RAB38: variants seen among roughly 807,000 people sequenced by gnomAD.
The protein encoded by RAB38 is RAB38, member RAS oncogene family.
A neutral mutation model predicts 18.4 loss-of-function variants in RAB38; 15 were observed. The ratio of observed to expected loss-of-function variants is 0.82; its 90% CI spans 0.55 to 1.26. The LOEUF (loss-of-function observed/expected upper bound fraction) is 1.26. Ranked by LOEUF, RAB38 falls within the 50% of genes most tolerant of loss-of-function variation. The pLI is 0.00. For missense variants in RAB38, 294 were observed against 267.4 expected (o/e 1.10, Z -0.69); for synonymous variants, 101 against 104.4 (o/e 0.97, Z 0.20).
the RAB38 span, among the ~76,000 whole-genome samples, chr11:88,027,635 G>C: frequency 1.1e-4 from 17 of 152,220 alleles, no homozygotes; most frequent in Non-Finnish European, 1.5e-5. Flanking sequence ...ACAGCAGTCT[G>C]AGATCAAACT....
chr11:87,957,850 T>C, the RAB38 span, among the ~76,000 whole-genome samples: 1 of 152,022 alleles, frequency 6.6e-6, no homozygotes, highest in Non-Finnish European at 1.5e-5. Flanking sequence ...GGCCTACCAA[T>C]CTCCTTCCTA....
chr11:87,958,094 G>C, the RAB38 span, among the ~76,000 whole-genome samples: 1 of 152,012 alleles, frequency 6.6e-6, no homozygotes, highest in Non-Finnish European at 1.5e-5. Flanking sequence ...CTCTTCCCAG[G>C]CTAGCAATAT....
chr11:87,893,489 T>C, the RAB38 span, among the ~76,000 whole-genome samples: 1 of 150,160 alleles, frequency 6.7e-6, no homozygotes, highest in East Asian at 2.0e-4. Flanking sequence ...TGCTTTGTTT[T>C]CTTTATTTTT....
the RAB38 span, among the ~76,000 whole-genome samples, chr11:88,041,301 G>A: frequency 6.6e-6 from 1 of 152,150 alleles, no homozygotes; most frequent in East Asian, 1.9e-4. Flanking sequence ...CTGTAATAGT[G>A]AGCGGAACAT....
the RAB38 span, among the ~76,000 whole-genome samples, chr11:87,946,464 T>A: frequency 4.6e-5 from 7 of 152,168 alleles, no homozygotes; most frequent in Admixed American, 1.3e-4. Context: ...TATATATACA[T>A]GTGCCATGTT....
At chr11:88,040,782 C>G in the RAB38 span, among the ~76,000 whole-genome samples, 1 of 152,072 alleles carries the variant, frequency 6.6e-6, no homozygotes, top group Admixed American at 6.5e-5. Flanking sequence ...TCTTAGGTGC[C>G]AGGCATTAGG....
At chr11:87,871,664 C>T in the RAB38 span, among the ~76,000 whole-genome samples, 1 of 151,460 alleles carries the variant, frequency 6.6e-6, no homozygotes, top group African/African-American at 2.4e-5. Flanking sequence ...TGGAAAAATG[C>T]TTTATTCTCT....
chr11:87,827,434 A>T, the RAB38 span, among the ~76,000 whole-genome samples: 1 of 152,136 alleles, frequency 6.6e-6, no homozygotes, highest in Non-Finnish European at 1.5e-5. Flanking sequence ...TGAGAATAAC[A>T]TGATTGATCA....
At chr11:88,019,306 CT>C in the RAB38 span, among the ~76,000 whole-genome samples, 670 of 152,172 alleles carry the variant, frequency 4.4e-3, 1 homozygote, top group African/African-American at 0.015. Context: ...TCATCTATGA[CT>C]TTTTTTCTTT....
chr11:87,884,494 C>T, the RAB38 span, among the ~76,000 whole-genome samples: 1 of 151,888 alleles, frequency 6.6e-6, no homozygotes, highest in African/African-American at 2.4e-5. Flanking sequence ...GTGCCCTGTC[C>T]TGAAGAAAGA....
the RAB38 span, among the ~76,000 whole-genome samples, chr11:88,030,156 A>G: frequency 6.6e-6 from 1 of 152,222 alleles, no homozygotes; most frequent in African/African-American, 2.4e-5. Context: ...ATGAAGGCAG[A>G]AATAAAGATG....
chr11:87,888,114 A>G, the RAB38 span, among the ~76,000 whole-genome samples: 9 of 151,860 alleles, frequency 5.9e-5, no homozygotes, highest in African/African-American at 1.4e-4. Flanking sequence ...TCAGAAGACT[A>G]CTAGGACACA....
At chr11:88,166,622 A>C (rs558626480) in intron 1 of RAB38, 40 of 152,236 alleles carry the variant, frequency 2.6e-4, no homozygotes, top group African/African-American at 9.4e-4. Context: ...TATACGCTTA[A>C]ATTTTAAAAA....
At chr11:87,852,373 A>T in the RAB38 span, among the ~76,000 whole-genome samples, 1 of 152,184 alleles carries the variant, frequency 6.6e-6, no homozygotes, top group Non-Finnish European at 1.5e-5. Flanking sequence ...TCAACCTTCT[A>T]GTCATTTCAT....
chr11:87,836,665 C>T, the RAB38 span, among the ~76,000 whole-genome samples: 2,095 of 152,276 alleles, frequency 0.014, 44 homozygotes, highest in African/African-American at 0.049. Flanking sequence ...AAATCCTTCA[C>T]TGGTTTTCCA....
At chr11:87,964,242 G>A in the RAB38 span, among the ~76,000 whole-genome samples, 8 of 152,078 alleles carry the variant, frequency 5.3e-5, no homozygotes, top group Middle Eastern at 3.2e-3. Context: ...TGCAAGGACC[G>A]TTGCATTCGT....
At chr11:87,953,782 C>T in the RAB38 span, among the ~76,000 whole-genome samples, 68 of 151,734 alleles carry the variant, frequency 4.5e-4, no homozygotes, top group African/African-American at 1.6e-3. Context: ...TATTGCTTCC[C>T]CCTGAACAAT....
At chr11:88,046,163 T>C in the RAB38 span, among the ~76,000 whole-genome samples, 1 of 152,106 alleles carries the variant, frequency 6.6e-6, no homozygotes, top group African/African-American at 2.4e-5. Context: ...TTTACCCCAC[T>C]CAAGGCCAAT....
At chr11:88,033,206 G>A in the RAB38 span, among the ~76,000 whole-genome samples, 1 of 151,748 alleles carries the variant, frequency 6.6e-6, no homozygotes, top group African/African-American at 2.4e-5. Flanking sequence ...GAAGGGGAAC[G>A]TGACACTCTG....
Sources: allele counts gnomAD v4.1 joint callset (sites outside exome capture counted in the v4.1 genomes callset), GRCh38; gene constraint gnomAD v4.1.1; transcripts MANE v1.5; gene names NCBI Gene and HGNC (gene_info 2026-07-23, HGNC 2026-07-21).